GRIK2: variants seen among roughly 807,000 people sequenced by gnomAD.
GRIK2 encodes the protein glutamate ionotropic receptor kainate type subunit 2.
A neutral mutation model predicts 100.3 loss-of-function variants in GRIK2; 32 were observed. The observed-to-expected ratio is 0.32, with a 90% CI of 0.24 to 0.43. The LOEUF is 0.43. GRIK2 is among the 20% of genes least tolerant of loss of function. The pLI, the probability that GRIK2 is intolerant of heterozygous loss-of-function variation, is 1.00. For missense variants in GRIK2, 843 were observed against 1,114.9 expected (o/e 0.76, Z 3.47); for synonymous variants, 417 against 389.4 (o/e 1.07, Z -0.83).
At position 101,799,695 on chromosome 6, in the gene GRIK2, C is replaced by T. The variant is rs138570066; in HGVS notation, c.999C>T (p.Ala333=). 3.7e-6 allele frequency: 6 copies of T among 1,612,426 alleles called. No individual in the cohort carries two copies. Among genetic ancestry groups the T allele is most frequent in the Middle Eastern group, 1.6e-4 (1 of 6,062 alleles). ...ATGCTGTGCATGTGGTGTCTGTGGC[C>T]GTTCAACAGTTTCCCCAGATGACAG... ...MYDAVHVVSV[A]VQQFPQMTVS... Residue 333 remains alanine, a synonymous_variant, in exon 8 of 17, where the codon GCC becomes GCT. Coordinates refer to ENST00000369134, the MANE Select transcript of GRIK2 (RefSeq NM_021956.5).
chr6:101,647,615 G>A (rs1300437795), intron 4 of GRIK2, among the ~76,000 whole-genome samples: 1 of 151,952 alleles, frequency 6.6e-6, no homozygotes, highest in Non-Finnish European at 1.5e-5. Context: ...ATCTGAACCA[G>A]CATAATGTCA....
intron 16 of GRIK2, chr6:102,064,074 T>A (rs1227289815): frequency 9.9e-7 from 1 of 1,011,730 alleles, no homozygotes. Context: ...CCTTTCTTTT[T>A]TCTTTTTGTA....
rs117902422 is a variant in GRIK2 at position 101,833,827 on chromosome 6, T to C, written c.1317+15344T>C. On this transcript the variant is annotated intron_variant, in intron 10 of 16. Coordinates refer to ENST00000369134, the MANE Select transcript of GRIK2 (RefSeq NM_021956.5). ...TTTAGGTATATTCACTAGTGACTGC[T>C]CAATAATTACAATATTTAACTACTT... 9.8e-3 allele frequency among the ~76,000 whole-genome samples: 1,490 copies of C among 151,974 alleles called. 5 individuals carry two copies. The highest frequency in any genetic ancestry group is 0.016 in the Non-Finnish European group (1,119 of 67,986).
intron 2 of GRIK2, among the ~76,000 whole-genome samples, chr6:101,515,803 A>G (rs942490610): frequency 6.6e-6 from 1 of 152,066 alleles, no homozygotes; most frequent in East Asian, 1.9e-4. Context: ...TTTGTTGTAG[A>G]TTATGGATAT....
At position 101,578,085 on chromosome 6, in the gene GRIK2, A is replaced by G. The variant is rs373589405; in HGVS notation, c.116-43864A>G. ...AGGAATGAGACTTGCGTCTTGATCC[A>G]GGAAAGAACATCTGTACCCTAGAAG... On this transcript the variant is annotated intron_variant, in intron 2 of 16. Coordinates refer to ENST00000369134, the MANE Select transcript of GRIK2 (RefSeq NM_021956.5). Among the ~76,000 whole-genome samples, 21 of 152,330 alleles carry G rather than the reference A, an allele frequency of 1.4e-4. No individual in the cohort carries two copies. The East Asian group carries it at 3.1e-3, about 22-fold the overall frequency.
chr6:101,549,297 T>C (rs2128291815), intron 2 of GRIK2, among the ~76,000 whole-genome samples: 1 of 147,174 alleles, frequency 6.8e-6, no homozygotes, highest in Non-Finnish European at 1.5e-5. Context: ...AAAGATTGTA[T>C]GTAGTATTTC....
At chr6:101,835,323 T>C (rs1782996501) in intron 10 of GRIK2, among the ~76,000 whole-genome samples, 4 of 152,166 alleles carry the variant, frequency 2.6e-5, no homozygotes. Context: ...CGTTGATTTT[T>C]GTCAGGCTGG....
chr6:101,925,288 T>A (rs1198236024), intron 13 of GRIK2, among the ~76,000 whole-genome samples: 1 of 152,038 alleles, frequency 6.6e-6, no homozygotes, highest in African/African-American at 2.4e-5. Flanking sequence ...GCAAAAATAC[T>A]TTTTCGTAAT....
intron 15 of GRIK2, among the ~76,000 whole-genome samples, chr6:102,048,128 C>T (rs1332878827): frequency 6.6e-6 from 1 of 151,012 alleles, no homozygotes; most frequent in Admixed American, 6.6e-5. Context: ...GTTCTTCAAT[C>T]AACGGCGTTG....
chr6:101,841,724 G>A (rs1162788830), intron 10 of GRIK2, among the ~76,000 whole-genome samples: 1 of 152,056 alleles, frequency 6.6e-6, no homozygotes, highest in East Asian at 1.9e-4. Flanking sequence ...ATACACTGTG[G>A]AAAACAATAA....
Position 101,850,364 on chromosome 6 carries a change from GTTTA to G in GRIK2, c.1318-8916_1318-8913del, listed in dbSNP as rs1324621701. 4.6e-5 allele frequency among the ~76,000 whole-genome samples: 7 copies of G among 151,760 alleles called. No homozygotes were observed. The South Asian group carries it at 8.3e-4, about 18-fold the overall frequency. Reference sequence around the variant, plus strand: ...AGTGTATGCTTGGGTAAATACATTGGTTTATTTATTCTTATCATTGTAATAGCAG... The same window carrying G: ...AGTGTATGCTTGGGTAAATACATTGGTTTATTCTTATCATTGTAATAGCAG... On this transcript the variant is annotated intron_variant, in intron 10 of 16. Coordinates refer to ENST00000369134, the MANE Select transcript of GRIK2 (RefSeq NM_021956.5).
At chr6:101,800,551 G>A (rs1457469961) in intron 8 of GRIK2, among the ~76,000 whole-genome samples, 1 of 151,842 alleles carries the variant, frequency 6.6e-6, no homozygotes, top group East Asian at 1.9e-4. Flanking sequence ...TTTTATTAAT[G>A]GCTTAAAATA....
intron 2 of GRIK2, among the ~76,000 whole-genome samples, chr6:101,612,850 G>A (rs1562261028): frequency 6.6e-6 from 1 of 151,352 alleles, no homozygotes; most frequent in Non-Finnish European, 1.5e-5. Context: ...ATCAGGTAAA[G>A]GTAAGTGGTT....
intron 10 of GRIK2, among the ~76,000 whole-genome samples, chr6:101,857,140 C>A (rs1169645412): frequency 6.6e-6 from 1 of 151,860 alleles, no homozygotes; most frequent in East Asian, 1.9e-4. Context: ...GTGGGGACAG[C>A]AATGAGGGGC....
intron 2 of GRIK2, among the ~76,000 whole-genome samples, chr6:101,576,585 G>A (rs1296615237): frequency 7.1e-6 from 1 of 139,880 alleles, no homozygotes; most frequent in African/African-American, 3.2e-5. Context: ...TATCTAAGGT[G>A]ATACACATGG....
chr6:101,684,032 A>G (rs942933890), intron 6 of GRIK2, among the ~76,000 whole-genome samples: 9 of 152,340 alleles, frequency 5.9e-5, no homozygotes, highest in African/African-American at 1.9e-4. Flanking sequence ...ATTGATTGCA[A>G]TAGCTTCCTG....
chr6:101,737,659 C>T (rs1055602529), intron 7 of GRIK2, among the ~76,000 whole-genome samples: 1 of 152,158 alleles, frequency 6.6e-6, no homozygotes, highest in African/African-American at 2.4e-5. Flanking sequence ...CAGATCCAAA[C>T]AATATCACAT....
At chr6:101,658,126 T>C (rs1769333223) in intron 4 of GRIK2, among the ~76,000 whole-genome samples, 1 of 152,166 alleles carries the variant, frequency 6.6e-6, no homozygotes, top group Non-Finnish European at 1.5e-5. Context: ...TAAATAGGTA[T>C]ACACAAGCCA....
chr6:101,538,623 T>TA (rs572197730), intron 2 of GRIK2, among the ~76,000 whole-genome samples: 202 of 151,358 alleles, frequency 1.3e-3, no homozygotes, highest in African/African-American at 4.6e-3. Context: ...TTTTTTTTTT[T>TA]AAATTCAACC....
Sources: gnomAD v4.1 joint callset for allele counts (sites outside exome capture counted in the v4.1 genomes callset) on GRCh38, gnomAD v4.1.1 for gene constraint, MANE v1.5 for transcripts, NCBI Gene and HGNC (gene_info 2026-07-23, HGNC 2026-07-21) for gene names.